Variants in GABRB1 observed in about 807,000 individuals in gnomAD.
The protein encoded by GABRB1 is gamma-aminobutyric acid receptor subunit beta-1.
Under a neutral mutation model 51.6 loss-of-function variants are expected in GABRB1, and 17 were observed. That is an observed-to-expected ratio of 0.33 (90% CI 0.23 to 0.49). The LOEUF (loss-of-function observed/expected upper bound fraction) is 0.49. Ranked by LOEUF, GABRB1 falls within the 20% of genes least tolerant of loss-of-function variation. GABRB1 has a pLI of 0.99. For missense variants in GABRB1, 410 were observed against 600.6 expected (o/e 0.68, Z 3.32); for synonymous variants, 247 against 218.9 (o/e 1.13, Z -1.14).
intron 4 of GABRB1, among the ~76,000 whole-genome samples, chr4:47,316,032 CTAAAA>C (rs1466031848): frequency 2.0e-5 from 1 of 49,000 alleles, no homozygotes; most frequent in Admixed American, 2.8e-4. Context: ...ACCCAAGAAC[CTAAAA>C]TAAAACTTAA....
intron 3 of GABRB1, among the ~76,000 whole-genome samples, chr4:47,114,705 A>G (rs6447533): frequency 0.87 from 131,770 of 152,128 alleles, 57,478 homozygotes; most frequent in Non-Finnish European, 0.9. Context: ...TCTACTTCCA[A>G]GCTGACTCCA....
intron 5 of GABRB1, among the ~76,000 whole-genome samples, chr4:47,380,429 G>A (rs921531920): frequency 3.3e-5 from 5 of 152,148 alleles, no homozygotes; most frequent in Admixed American, 3.3e-4. Flanking sequence ...AAAATCAGTA[G>A]CCAGAAGTGG....
chr4:47,228,221 A>G (rs937812717), intron 4 of GABRB1, among the ~76,000 whole-genome samples: 4 of 152,156 alleles, frequency 2.6e-5, no homozygotes, highest in East Asian at 3.9e-4. Flanking sequence ...ATATCATAGT[A>G]TGAGTGAGAA....
intron 4 of GABRB1, among the ~76,000 whole-genome samples, chr4:47,309,078 T>C (rs1164526550): frequency 6.6e-6 from 1 of 152,136 alleles, no homozygotes; most frequent in African/African-American, 2.4e-5. Flanking sequence ...GTATTAAATA[T>C]GGTATAAATT....
intron 7 of GABRB1, 32 bp from the exon 8 acceptor site, chr4:47,406,650 C>T (rs1234563503): frequency 6.2e-7 from 1 of 1,612,848 alleles, no homozygotes; most frequent in Admixed American, 1.7e-5. Context: ...ATAGTGGCAC[C>T]TTCAGCTAAG....
At chr4:47,357,570 T>C (rs1390880541) in intron 5 of GABRB1, among the ~76,000 whole-genome samples, 1 of 152,148 alleles carries the variant, frequency 6.6e-6, no homozygotes, top group African/African-American at 2.4e-5. Context: ...AAATGTCAAA[T>C]TGGAAGTTAG....
intron 3 of GABRB1, among the ~76,000 whole-genome samples, chr4:47,053,042 G>A (rs1239157540): frequency 6.6e-6 from 1 of 152,134 alleles, no homozygotes; most frequent in African/African-American, 2.4e-5. Flanking sequence ...ATTGAAAAAC[G>A]CTGTTGGGAA....
At chr4:47,340,019 C>T (rs1725828819) in intron 5 of GABRB1, among the ~76,000 whole-genome samples, 1 of 152,192 alleles carries the variant, frequency 6.6e-6, no homozygotes, top group Non-Finnish European at 1.5e-5. Context: ...TGAAACTTAA[C>T]ATTCCAAAAT....
At chr4:47,229,394 C>A (rs1206299882) in intron 4 of GABRB1, among the ~76,000 whole-genome samples, 1 of 152,096 alleles carries the variant, frequency 6.6e-6, no homozygotes, top group Non-Finnish European at 1.5e-5. Context: ...TTACCACACA[C>A]AGTTTATTGA....
chr4:47,008,214 G>A (rs1451923919), intron 1 of GABRB1, among the ~76,000 whole-genome samples: 2 of 152,060 alleles, frequency 1.3e-5, no homozygotes, highest in African/African-American at 2.4e-5. Context: ...ACAGAATACA[G>A]GAAGTTGGAG....
Position 47,039,299 on chromosome 4 carries a change from G to A in GABRB1, c.240+6815G>A, listed in dbSNP as rs542668725. ...AAATCTGTTGTTGCATTGTGAATTT[G>A]AGAATAAAGGATAATTTTCCAGTAG... On this transcript the variant is annotated intron_variant, in intron 3 of 8. Transcript: ENST00000295454. 3.4e-5 allele frequency among the ~76,000 whole-genome samples: 5 copies of A among 145,628 alleles called. No homozygotes were observed. In the East Asian group the frequency reaches 8.2e-4, roughly 24 times the overall value.
intron 1 of GABRB1, among the ~76,000 whole-genome samples, chr4:47,023,525 C>A (rs1265773758): frequency 4.0e-5 from 6 of 151,836 alleles, no homozygotes; most frequent in African/African-American, 1.5e-4. Context: ...CTGGAGTATG[C>A]AGTTTGTTTA....
chr4:47,172,369 GAAC>G (rs1456793786), intron 4 of GABRB1, among the ~76,000 whole-genome samples: 1 of 151,958 alleles, frequency 6.6e-6, no homozygotes, highest in Non-Finnish European at 1.5e-5. Flanking sequence ...AAAAGTAATC[GAAC>G]AACAAGTACC....
At chr4:47,140,545 A>G (rs756459176) in intron 3 of GABRB1, among the ~76,000 whole-genome samples, 4 of 151,966 alleles carry the variant, frequency 2.6e-5, no homozygotes, top group Non-Finnish European at 4.4e-5. Flanking sequence ...GCCAGGTATG[A>G]AGTAAAAACA....
In GABRB1 at chr4:47,032,440, C is replaced by T; in HGVS notation, c.196C>T (p.Arg66Trp). 6.3e-7 allele frequency: 1 copy of T among 1,597,030 alleles called. No individual in the cohort carries two copies. The highest frequency in any genetic ancestry group is 8.6e-7 in the Non-Finnish European group (1 of 1,169,128). Reference sequence around the variant, plus strand: ...AGGGCCCCCCGTCGACGTTGGGATGCGGATCGATGTCGCCAGCATAGACAT... The same window carrying T: ...AGGGCCCCCCGTCGACGTTGGGATGTGGATCGATGTCGCCAGCATAGACAT... ...FGGPPVDVGMRIDVASIDMVS... is the reference protein window; with the variant it reads ...FGGPPVDVGMWIDVASIDMVS... The change falls in exon 3 of 9, where the codon CGG becomes TGG. Residue 66 changes from arginine (R) to tryptophan (W), a missense_variant. Physicochemically the swap from Arg to Trp is moderately radical, Grantham distance 101. Coordinates refer to ENST00000295454, the MANE Select transcript of GABRB1 (RefSeq NM_000812.4).
intron 4 of GABRB1, among the ~76,000 whole-genome samples, chr4:47,245,614 T>C (rs1250412232): frequency 6.6e-6 from 1 of 152,206 alleles, no homozygotes; most frequent in Non-Finnish European, 1.5e-5. Flanking sequence ...CACTGCTCCA[T>C]GAAACCCAAT....
intron 5 of GABRB1, among the ~76,000 whole-genome samples, chr4:47,400,789 G>A (rs1297456557): frequency 6.6e-6 from 1 of 151,916 alleles, no homozygotes; most frequent in Non-Finnish European, 1.5e-5. Context: ...CCTACCCATA[G>A]CTTAGCTCTC....
At chr4:47,259,099 A>G (rs1386973539) in intron 4 of GABRB1, among the ~76,000 whole-genome samples, 1 of 152,050 alleles carries the variant, frequency 6.6e-6, no homozygotes, top group East Asian at 1.9e-4. Context: ...TCTAGTCCCC[A>G]CAGCCAAATT....
Position 47,358,335 on chromosome 4 carries a change from T to C in GABRB1, c.544+38126T>C, listed in dbSNP as rs550847344. Among the ~76,000 whole-genome samples, 51 of 152,070 alleles carry C rather than the reference T, an allele frequency of 3.4e-4. No homozygotes were observed. The South Asian group carries it at 4.2e-3, about 12-fold the overall frequency. ...TGTGTGTGTATATATATACATGCTA[T>C]ATATATGCATATTATATATGTGTGT... On this transcript the variant is annotated intron_variant, in intron 5 of 8. Transcript: ENST00000295454.
Sources: gnomAD v4.1 joint callset for allele counts (sites outside exome capture counted in the v4.1 genomes callset) on GRCh38, gnomAD v4.1.1 for gene constraint, MANE v1.5 for transcripts, NCBI Gene and HGNC (gene_info 2026-07-23, HGNC 2026-07-21) for gene names.